SLC6A11: variants seen among roughly 807,000 people sequenced by gnomAD.
The protein encoded by SLC6A11 is sodium- and chloride-dependent GABA transporter 3.
In SLC6A11, 25 loss-of-function variants were observed where a neutral mutation model predicts 74.8. That is an observed-to-expected ratio of 0.33 (90% CI 0.24 to 0.47). The LOEUF (loss-of-function observed/expected upper bound fraction) is 0.47. Among genes scored for constraint, SLC6A11 ranks in the 20% least tolerant of loss-of-function variants. The pLI is 1.00. For missense variants in SLC6A11, 574 were observed against 837.0 expected, an observed-to-expected ratio of 0.69 and a Z score of 3.88; for synonymous variants, 330 against 330.2, an observed-to-expected ratio of 1.00 and a Z score of 0.01.
intron 9 of SLC6A11, among the ~76,000 whole-genome samples, chr3:10,928,050 G>A (rs538474879): frequency 1.3e-5 from 2 of 152,236 alleles, no homozygotes; most frequent in Admixed American, 1.3e-4. Context: ...CCTCCTCTGT[G>A]CTTCTGTGTC....
chr3:10,890,342 T>A (rs927444667), intron 6 of SLC6A11, among the ~76,000 whole-genome samples: 3 of 152,188 alleles, frequency 2.0e-5, no homozygotes, highest in African/African-American at 7.2e-5. Context: ...GTTCTAAGAA[T>A]GCCCACTGAA....
chr3:10,909,011 C>T (rs1217087879), intron 6 of SLC6A11, among the ~76,000 whole-genome samples: 1 of 150,918 alleles, frequency 6.6e-6, no homozygotes, highest in Non-Finnish European at 1.5e-5. Flanking sequence ...TGCCTTTGCT[C>T]TAGACTCTGC....
chr3:10,881,329 T>C (rs1694972790), intron 6 of SLC6A11, among the ~76,000 whole-genome samples: 1 of 152,172 alleles, frequency 6.6e-6, no homozygotes, highest in African/African-American at 2.4e-5. Context: ...GGCAGGAGGA[T>C]TGCTTGAACC....
rs145738607 is a variant in SLC6A11 at position 10,914,904 on chromosome 3, C to T, written c.995+2711C>T. On this transcript the variant is annotated intron_variant, in intron 7 of 13. Coordinates refer to ENST00000254488, the MANE Select transcript of SLC6A11 (RefSeq NM_014229.3). Reference sequence around the variant, plus strand: ...TCTGTGCTGGGCCCTTCAGAGATCACTTGGTCACTGTCCCCTCCAGCTAGG... The same window carrying T: ...TCTGTGCTGGGCCCTTCAGAGATCATTTGGTCACTGTCCCCTCCAGCTAGG... Among the ~76,000 whole-genome samples, 1,052 of 152,286 alleles carry T rather than the reference C, an allele frequency of 6.9e-3. 15 individuals are homozygous for T. The highest frequency in any genetic ancestry group is 0.024 in the African/African-American group (1,000 of 41,534).
chr3:10,902,154 G>A (rs1695248810), intron 6 of SLC6A11, among the ~76,000 whole-genome samples: 2 of 152,154 alleles, frequency 1.3e-5, no homozygotes, highest in South Asian at 4.1e-4. Flanking sequence ...AAGGCTGTGG[G>A]TTGGAAGCCC....
rs553415846 is a variant in SLC6A11 at position 10,914,185 on chromosome 3, A to C, written c.995+1992A>C. 3.4e-4 allele frequency among the ~76,000 whole-genome samples: 51 copies of C among 152,156 alleles called. No individual in the cohort carries two copies. The East Asian group carries it at 9.5e-3, about 28-fold the overall frequency. On this transcript the variant is annotated intron_variant, in intron 7 of 13. Transcript: ENST00000254488. The stretch of plus-strand genomic sequence containing the variant: ...TTTCACCGGTGATAGCGTCCCTCCC[A>C]CATTACCCCATCTTTGAGACAGGGA...
chr3:10,899,638 T>C (rs2106619629), intron 6 of SLC6A11, among the ~76,000 whole-genome samples: 1 of 152,344 alleles, frequency 6.6e-6, no homozygotes, highest in East Asian at 1.9e-4. Flanking sequence ...AGGCCTTTGC[T>C]TGTAGCATTT....
Position 10,926,803 on chromosome 3 carries a change from C to T in SLC6A11, c.1233+687C>T, listed in dbSNP as rs948154327. Among the ~76,000 whole-genome samples the T allele has an allele frequency of 3.9e-5, 6 of 152,158 alleles. No homozygotes were observed. The highest frequency in any genetic ancestry group is 6.5e-5 in the Admixed American group (1 of 15,280). The stretch of plus-strand genomic sequence containing the variant: ...ACTGAGCACACTCCAGACTCCCATC[C>T]CAGGTCCCCGGCCTCTTTCCCAGAC... On this transcript the variant is annotated intron_variant, in intron 9 of 13. Coordinates refer to ENST00000254488, the MANE Select transcript of SLC6A11 (RefSeq NM_014229.3). This position sits in a 1 kb window ranked among gnomAD's most constrained non-coding sequence, Gnocchi z 5.7.
At chr3:10,881,239 A>G (rs1366238898) in intron 6 of SLC6A11, among the ~76,000 whole-genome samples, 1 of 152,026 alleles carries the variant, frequency 6.6e-6, no homozygotes, top group Non-Finnish European at 1.5e-5. Flanking sequence ...AACATGGTGA[A>G]ACTCCGTCTC....
chr3:10,819,460 T>C lies in SLC6A11; in HGVS notation c.257-5T>C, dbSNP rs142745557. On this transcript the variant is annotated splice_region_variant and splice_polypyrimidine_tract_variant and intron_variant, in intron 1 of 13. Transcript: ENST00000254488. ...TTTTCATTTCATTCCTTTGCATCCT[T>C]ACAGGGGCATTCCTGATTCCCTACG... The C allele has an allele frequency of 6.8e-5, 109 of 1,609,498 alleles. No homozygotes were observed. Among genetic ancestry groups the C allele is most frequent in the Middle Eastern group, 5.0e-4 (3 of 6,044 alleles).
intron 7 of SLC6A11, 32 bp downstream of exon 7, chr3:10,912,225 C>A: frequency 1.4e-6 from 2 of 1,431,730 alleles, no homozygotes; most frequent in Non-Finnish European, 2.0e-6. Context: ...GCCAGCTCTC[C>A]ACCAAACCCT....
chr3:10,834,843 T>C (rs571423460), intron 4 of SLC6A11, among the ~76,000 whole-genome samples: 52 of 152,242 alleles, frequency 3.4e-4, no homozygotes, highest in Non-Finnish European at 1.9e-4. Context: ...TGAAGTGAGC[T>C]GTGGACAGTG....
At chr3:10,925,307 C>T (rs1420617273) in intron 8 of SLC6A11, among the ~76,000 whole-genome samples, 4 of 152,198 alleles carry the variant, frequency 2.6e-5, no homozygotes, top group African/African-American at 9.7e-5. Context: ...ATTCTCAAAA[C>T]CACTTTTTTT....
chr3:10,838,336 C>G (rs1036629244), intron 4 of SLC6A11, among the ~76,000 whole-genome samples: 1 of 152,228 alleles, frequency 6.6e-6, no homozygotes, highest in Admixed American at 6.5e-5. Context: ...ATTCCAGCCA[C>G]TGTCCTTCGA....
intron 6 of SLC6A11, among the ~76,000 whole-genome samples, chr3:10,888,678 C>T (rs1575690428): frequency 6.6e-6 from 1 of 152,190 alleles, no homozygotes; most frequent in East Asian, 1.9e-4. Context: ...TTTGCTGTCT[C>T]ATAGAGGAGA....
intron 6 of SLC6A11, among the ~76,000 whole-genome samples, chr3:10,910,249 A>G (rs1292046615): frequency 1.3e-5 from 2 of 152,220 alleles, no homozygotes; most frequent in Non-Finnish European, 2.9e-5. Flanking sequence ...GAATGACTTA[A>G]CACAGTTGGG....
chr3:10,936,023 C>T (rs1042027030), intron 13 of SLC6A11, among the ~76,000 whole-genome samples: 32 of 152,220 alleles, frequency 2.1e-4, no homozygotes, highest in African/African-American at 7.2e-4. Context: ...GCAACTGAAT[C>T]GTTACTGAGC....
In SLC6A11 at chr3:10,845,935, A is replaced by T. The variant is rs1235296347; in HGVS notation, c.756+1589A>T. Among the ~76,000 whole-genome samples the T allele has an allele frequency of 2.6e-5, 4 of 152,304 alleles. No individual in the cohort carries two copies. In the East Asian group the frequency reaches 7.7e-4, roughly 29 times the overall value. ...TCTTCCAGGAAAAAAGCTGGAGGTA[A>T]TAAGAGCAAGGATTCAAACCCCAGG... On this transcript the variant is annotated intron_variant, in intron 5 of 13. Transcript: ENST00000254488.
At chr3:10,850,272 C>G (rs974671030) in intron 5 of SLC6A11, among the ~76,000 whole-genome samples, 2 of 152,198 alleles carry the variant, frequency 1.3e-5, no homozygotes, top group African/African-American at 4.8e-5. Flanking sequence ...TTAAAAATTT[C>G]ACTCCAGCCT....
Sources: allele counts gnomAD v4.1 joint callset (sites outside exome capture counted in the v4.1 genomes callset), GRCh38; gene constraint gnomAD v4.1.1; non-coding constraint Gnocchi (gnomAD v3.1); transcripts MANE v1.5; gene names NCBI Gene and HGNC (gene_info 2026-07-23, HGNC 2026-07-21).